The following PRORP variants were observed in gnomAD, a reference collection of about 807,000 sequenced individuals.
PRORP encodes the protein protein only RNase P catalytic subunit.
PRORP carries 51 observed loss-of-function variants against 59.4 expected under a neutral mutation model. That is an observed-to-expected ratio of 0.86 (90% CI 0.69 to 1.08). PRORP has a LOEUF of 1.08. Among genes scored for constraint, PRORP ranks in the 50% least tolerant of loss-of-function variants. PRORP has a pLI of 0.00. For missense variants in PRORP, 646 were observed against 690.3 expected, an observed-to-expected ratio of 0.94 and a Z score of 0.72; for synonymous variants, 231 against 245.6, an observed-to-expected ratio of 0.94 and a Z score of 0.55.
Position 35,143,081 on chromosome 14 carries a change from C to T in PRORP, c.1167+15470C>T, listed in dbSNP as rs935564867. ...TACTTTAAGAAATACTTTAGAATTGCAGTTCTTAACCTTTTGGTCTCGGGA... is the reference window on the plus strand; with the variant it reads ...TACTTTAAGAAATACTTTAGAATTGTAGTTCTTAACCTTTTGGTCTCGGGA... On this transcript the variant is annotated intron_variant, in intron 4 of 7. Coordinates refer to ENST00000534898, the MANE Select transcript of PRORP (RefSeq NM_014672.4). Among the ~76,000 whole-genome samples the T allele has an allele frequency of 8.9e-5, 13 of 145,932 alleles. 1 individual carries two copies. Among genetic ancestry groups the T allele is most frequent in the African/African-American group, 2.9e-4 (12 of 41,088 alleles).
intron 5 of PRORP, among the ~76,000 whole-genome samples, chr14:35,232,244 C>T (rs1379965442): frequency 1.3e-5 from 2 of 148,402 alleles, no homozygotes; most frequent in Non-Finnish European, 3.0e-5. Context: ...CTCACTTTGT[C>T]ACCCAGGCTG....
intron 4 of PRORP, among the ~76,000 whole-genome samples, chr14:35,172,774 G>T (rs1259215136): frequency 6.6e-6 from 1 of 151,826 alleles, no homozygotes; most frequent in South Asian, 2.1e-4. Flanking sequence ...CACCATGTTG[G>T]CCAGGATGGT....
intron 5 of PRORP, among the ~76,000 whole-genome samples, chr14:35,200,436 C>T (rs984674268): frequency 6.6e-6 from 1 of 152,158 alleles, no homozygotes; most frequent in Non-Finnish European, 1.5e-5. Context: ...GTGATCTGCC[C>T]ACCTTGGCCT....
chr14:35,155,332 T>C (rs2047886825), intron 4 of PRORP, among the ~76,000 whole-genome samples: 2 of 152,168 alleles, frequency 1.3e-5, no homozygotes, highest in South Asian at 4.1e-4. Flanking sequence ...GGTCATGAGA[T>C]GATAAAGCTA....
intron 7 of PRORP, among the ~76,000 whole-genome samples, chr14:35,272,862 G>A (rs2051228262): frequency 1.3e-5 from 2 of 152,140 alleles, no homozygotes; most frequent in South Asian, 4.1e-4. Context: ...AAATGGCATA[G>A]TATTTGCATA....
rs941052361 is a variant in PRORP at position 35,124,155 on chromosome 14, A to T, written c.910A>T (p.Ile304Phe). 6.2e-7 allele frequency: 1 copy of T among 1,605,556 alleles called. No homozygotes were observed. Among genetic ancestry groups the T allele is most frequent in the Non-Finnish European group, 8.5e-7 (1 of 1,175,904 alleles). The change falls in exon 2 of 8, where the codon ATT becomes TTT. Residue 304 changes from isoleucine to phenylalanine, a missense_variant. Coordinates refer to ENST00000534898, the MANE Select transcript of PRORP (RefSeq NM_014672.4). Reference protein sequence around the residue: ...DDNYSNKLLDILSYLRNNQLY... With the variant: ...DDNYSNKLLDFLSYLRNNQLY... ...TAACTATTCAAATAAACTACTAGATATTCTTTCATATCTAAGAAATAATCA... is the reference window on the plus strand; with the variant it reads ...TAACTATTCAAATAAACTACTAGATTTTCTTTCATATCTAAGAAATAATCA...
chr14:35,176,180 C>T (rs1203225863), intron 4 of PRORP, among the ~76,000 whole-genome samples: 1 of 152,162 alleles, frequency 6.6e-6, no homozygotes, highest in Admixed American at 6.5e-5. Context: ...AGCTTGATGC[C>T]TCCAGCTTTG....
chr14:35,163,386 A>G (rs1489283133), intron 4 of PRORP, among the ~76,000 whole-genome samples: 1 of 152,150 alleles, frequency 6.6e-6, no homozygotes, highest in African/African-American at 2.4e-5. Context: ...AATTGATCTC[A>G]TGACCTAGTA....
intron 5 of PRORP, among the ~76,000 whole-genome samples, chr14:35,264,109 T>TTTTA (rs2050976243): frequency 6.6e-6 from 1 of 152,064 alleles, no homozygotes; most frequent in African/African-American, 2.4e-5. Flanking sequence ...CTAATTTTTA[T>TTTTA]TTTATTTATT....
At chr14:35,147,806 A>G (rs1378338738) in intron 4 of PRORP, among the ~76,000 whole-genome samples, 2 of 152,246 alleles carry the variant, frequency 1.3e-5, no homozygotes, top group Non-Finnish European at 2.9e-5. Flanking sequence ...TGCCTTGTCA[A>G]CTAAGTTTAC....
intron 5 of PRORP, among the ~76,000 whole-genome samples, chr14:35,206,556 T>C (rs767999977): frequency 1.3e-5 from 2 of 152,202 alleles, no homozygotes; most frequent in Non-Finnish European, 2.9e-5. Context: ...GTTTAAACTT[T>C]GTAATTCGAG....
rs950766307 is a variant in PRORP, at chr14:35,145,190, C to T, written c.1167+17579C>T. 1.2e-4 allele frequency among the ~76,000 whole-genome samples: 17 copies of T among 144,236 alleles called. 1 individual carries two copies. Among genetic ancestry groups the T allele is most frequent in the Admixed American group, 4.4e-4 (6 of 13,716 alleles). 94.6% of individuals were successfully genotyped at this position (144,236 alleles called of 152,430 possible). The stretch of plus-strand genomic sequence containing the variant: ...ATCTCACTTTGTTGCCTGGGCTTGT[C>T]GTGAACTCCTGGGCTCAAGTAATCC... On this transcript the variant is annotated intron_variant, in intron 4 of 7. Coordinates refer to ENST00000534898, the MANE Select transcript of PRORP (RefSeq NM_014672.4).
intron 5 of PRORP, among the ~76,000 whole-genome samples, chr14:35,197,803 A>T (rs1480874211): frequency 6.6e-6 from 1 of 152,240 alleles, no homozygotes; most frequent in Non-Finnish European, 1.5e-5. Context: ...ATAAATTTAA[A>T]ATAAGTTAAA....
chr14:35,270,547 A>G lies in PRORP; in HGVS notation c.1571A>G (p.His524Arg). 1 of 1,614,224 alleles carries G rather than the reference A, an allele frequency of 6.2e-7. No homozygotes were observed. Among genetic ancestry groups the G allele is most frequent in the Non-Finnish European group, 8.5e-7 (1 of 1,180,040 alleles). The change falls in exon 7 of 8, where the codon CAT (histidine) becomes CGT (arginine). Residue 524 changes from histidine (H) to arginine (R), a missense_variant. Physicochemically the swap from His to Arg is conservative, Grantham distance 29. Coordinates refer to ENST00000534898, the MANE Select transcript of PRORP (RefSeq NM_014672.4). The part of the protein sequence containing the change: ...QRLFFKWQQG[H>R]QLAIVNRFPG... Reference sequence around the variant, plus strand: ...CTGTTTTTTAAGTGGCAGCAGGGACATCAGCTGGCAATTGTAAATAGGTTT... The same window carrying G: ...CTGTTTTTTAAGTGGCAGCAGGGACGTCAGCTGGCAATTGTAAATAGGTTT...
chr14:35,207,495 C>CAGAGGAGGGTGT (rs2049324456), intron 5 of PRORP, among the ~76,000 whole-genome samples: 2 of 152,226 alleles, frequency 1.3e-5, no homozygotes, highest in East Asian at 3.9e-4. Flanking sequence ...GTCTTCTAAC[C>CAGAGGAGGGTGT]CTGTCATTCA....
chr14:35,154,177 A>G (rs2047853706), intron 4 of PRORP, among the ~76,000 whole-genome samples: 1 of 152,230 alleles, frequency 6.6e-6, no homozygotes, highest in Non-Finnish European at 1.5e-5. Flanking sequence ...TAGTGGGAAC[A>G]GAGATGAGAG....
At chr14:35,261,826 G>C (rs75815431) in intron 5 of PRORP, among the ~76,000 whole-genome samples, 7,429 of 152,258 alleles carry the variant, frequency 0.049, 264 homozygotes, top group African/African-American at 0.098. Context: ...GTGGGTTCAT[G>C]GCTGGACTGT....
At chr14:35,236,096 CAA>C (rs59458917) in intron 5 of PRORP, among the ~76,000 whole-genome samples, 698 of 62,396 alleles carry the variant, frequency 0.011, 4 homozygotes, top group African/African-American at 0.037. Context: ...ACCCCATCTC[CAA>C]AAAAAAAAAA....
chr14:35,245,832 A>G (rs986022731), intron 5 of PRORP, among the ~76,000 whole-genome samples: 10 of 152,098 alleles, frequency 6.6e-5, no homozygotes, highest in South Asian at 2.1e-4. Flanking sequence ...TGGAACTCCA[A>G]TTTCCTGTCT....
Sources: gnomAD v4.1 joint callset for allele counts (sites outside exome capture counted in the v4.1 genomes callset) on GRCh38, gnomAD v4.1.1 for gene constraint, MANE v1.5 for transcripts, NCBI Gene and HGNC (gene_info 2026-07-23, HGNC 2026-07-21) for gene names.